TENM2: variants seen among roughly 807,000 people sequenced by gnomAD.
TENM2 encodes teneurin transmembrane protein 2, also known as teneurin-2.
Under a neutral mutation model 245.2 loss-of-function variants are expected in TENM2, and 52 were observed. The ratio of observed to expected loss-of-function variants is 0.21; its 90% CI spans 0.17 to 0.27. The LOEUF (loss-of-function observed/expected upper bound fraction) is 0.27. Ranked by LOEUF, TENM2 falls within the 10% of genes least tolerant of loss-of-function variation. TENM2 has a pLI of 1.00. For missense variants in TENM2, 3,046 were observed against 3,666.8 expected (o/e 0.83, Z 4.37); for synonymous variants, 1,363 against 1,438.9 (o/e 0.95, Z 1.19).
intron 5 of TENM2, among the ~76,000 whole-genome samples, chr5:168,022,737 T>A (rs1786266454): frequency 6.6e-6 from 1 of 152,242 alleles, no homozygotes. Flanking sequence ...ATAGTGTTTC[T>A]TTTTATTTCC....
At position 168,124,881 on chromosome 5, in the gene TENM2, C is replaced by T. The variant is rs369986376; in HGVS notation, c.2040C>T (p.His680=). Residue 680 remains histidine, a synonymous_variant, in exon 11 of 29, where the codon CAC becomes CAT. Transcript: ENST00000518659. ...GCTTGGATCCCACCTGCTCCAGCCA[C>T]GGAGTCTGTGTGAATGGAGAATGCC... is the stretch of plus-strand genomic sequence containing the variant. The T allele has an allele frequency of 5.9e-5, 95 of 1,612,740 alleles. 1 individual carries two copies. Among genetic ancestry groups the T allele is most frequent in the South Asian group, 4.1e-4 (37 of 90,564 alleles).
At chr5:167,891,140 A>G (rs1415066733) in intron 3 of TENM2, among the ~76,000 whole-genome samples, 2 of 152,160 alleles carry the variant, frequency 1.3e-5, no homozygotes, top group Non-Finnish European at 2.9e-5. Flanking sequence ...TTGTTTACTT[A>G]TTTTGTGTTA....
At chr5:168,120,061 G>C (rs951751693) in intron 10 of TENM2, among the ~76,000 whole-genome samples, 16 of 152,146 alleles carry the variant, frequency 1.1e-4, no homozygotes, top group African/African-American at 2.9e-4. Flanking sequence ...TTTGTACTTA[G>C]ATACACCCAC....
chr5:167,335,923 C>T (rs564679805), intron 1 of TENM2, among the ~76,000 whole-genome samples: 1 of 152,244 alleles, frequency 6.6e-6, no homozygotes, highest in South Asian at 2.1e-4. Context: ...AGCACCCTGT[C>T]AGCAGTCCTA....
intron 19 of TENM2, among the ~76,000 whole-genome samples, chr5:168,205,276 A>T (rs1762263244): frequency 6.6e-6 from 1 of 152,030 alleles, no homozygotes. Context: ...TTCAACAAAT[A>T]TTTGGTGAAT....
the TENM2 span, among the ~76,000 whole-genome samples, chr5:167,127,963 C>T: frequency 1.3e-5 from 2 of 152,098 alleles, no homozygotes; most frequent in South Asian, 4.1e-4. Flanking sequence ...AACCCCCTCA[C>T]CCTGTGGCCC....
intron 5 of TENM2, among the ~76,000 whole-genome samples, chr5:168,015,042 T>C (rs1180382457): frequency 6.6e-6 from 1 of 152,220 alleles, no homozygotes; most frequent in Non-Finnish European, 1.5e-5. Context: ...TCCCTCTTGC[T>C]ATAAACCAGC....
intron 1 of TENM2, among the ~76,000 whole-genome samples, chr5:167,373,891 C>T (rs1760587331): frequency 6.6e-6 from 1 of 152,184 alleles, no homozygotes. Flanking sequence ...CACCTAATAA[C>T]ACACGTTTAT....
At chr5:167,218,261 A>G in the TENM2 span, among the ~76,000 whole-genome samples, 1 of 152,162 alleles carries the variant, frequency 6.6e-6, no homozygotes, top group Non-Finnish European at 1.5e-5. Context: ...GTTGTCTTAA[A>G]ATCTGAGAAT....
chr5:168,080,495 C>A (rs1791895285), intron 7 of TENM2, among the ~76,000 whole-genome samples: 2 of 152,122 alleles, frequency 1.3e-5, no homozygotes, highest in Non-Finnish European at 2.9e-5. Flanking sequence ...TTTGCTCTTG[C>A]TTCTCTAGTT....
chr5:167,046,517 G>A, the TENM2 span, among the ~76,000 whole-genome samples: 7 of 152,102 alleles, frequency 4.6e-5, no homozygotes, highest in Admixed American at 2.0e-4. Flanking sequence ...AACACAGTGT[G>A]AATCATTTAT....
rs536664982 is a variant in TENM2, at chr5:167,760,893, C to T, written c.503-115093C>T. Reference sequence around the variant, plus strand: ...CTCGAACTCCTGACCTCAGGTGATCCGCCCACCTTGGCCTCCCAAAGTGCT... The same window carrying T: ...CTCGAACTCCTGACCTCAGGTGATCTGCCCACCTTGGCCTCCCAAAGTGCT... On this transcript the variant is annotated intron_variant, in intron 2 of 28. Coordinates refer to ENST00000518659, the Ensembl canonical transcript of TENM2. Among the ~76,000 whole-genome samples the T allele has an allele frequency of 1.3e-3, 201 of 152,164 alleles. 1 individual carries two copies. Among genetic ancestry groups the T allele is most frequent in the South Asian group, 6.9e-3 (33 of 4,814 alleles).
At chr5:167,268,873 C>CATAGATAGATAG in the TENM2 span, among the ~76,000 whole-genome samples, 3,303 of 139,560 alleles carry the variant, frequency 0.024, 62 homozygotes, top group East Asian at 0.043. Flanking sequence ...CCAAAAGATA[C>CATAGATAGATAG]ATAGATAGAT....
intron 5 of TENM2, among the ~76,000 whole-genome samples, chr5:168,044,536 A>G (rs927580398): frequency 6.6e-6 from 1 of 152,160 alleles, no homozygotes; most frequent in African/African-American, 2.4e-5. Flanking sequence ...AGCATATAAC[A>G]TCCTACAATC....
Position 168,262,554 on chromosome 5 carries a change from A to T in TENM2, c.8069A>T (p.Glu2690Val). The T allele has an allele frequency of 3.2e-6, 5 of 1,559,700 alleles. No homozygotes were observed. In the South Asian group the frequency reaches 4.7e-5, roughly 15 times the overall value. Residue 2690 changes from glutamate to valine, a missense_variant, in exon 29 of 29, where the codon GAA becomes GTA. By Grantham distance (121) the Glu-to-Val change is moderately radical. Coordinates refer to ENST00000518659, the Ensembl canonical transcript of TENM2. ...GGCCTCACCCCCGACACCCTGGACGAAGAGAAGGCCCGCGTCCTGGACCAG... is the reference window on the plus strand; with the variant it reads ...GGCCTCACCCCCGACACCCTGGACGTAGAGAAGGCCCGCGTCCTGGACCAG...
the TENM2 span, among the ~76,000 whole-genome samples, chr5:167,191,851 C>T: frequency 3.9e-5 from 6 of 151,976 alleles, no homozygotes; most frequent in Non-Finnish European, 7.4e-5. Context: ...TAAAAATTCT[C>T]TTACTCCAAT....
the TENM2 span, among the ~76,000 whole-genome samples, chr5:167,162,770 A>C: frequency 6.6e-6 from 1 of 152,230 alleles, no homozygotes; most frequent in African/African-American, 2.4e-5. Flanking sequence ...ATCCTACCAG[A>C]AAGAAAGCAG....
intron 3 of TENM2, among the ~76,000 whole-genome samples, chr5:167,950,059 A>T (rs1468070056): frequency 6.6e-6 from 1 of 152,216 alleles, no homozygotes; most frequent in Non-Finnish European, 1.5e-5. Flanking sequence ...CGGAGAATTA[A>T]GTATTCTTCC....
At chr5:168,183,926 G>T (rs981261860) in intron 13 of TENM2, among the ~76,000 whole-genome samples, 25 of 151,996 alleles carry the variant, frequency 1.6e-4, no homozygotes, top group African/African-American at 6.0e-4. Context: ...ACCTTTCGTG[G>T]ATTACCTCTG....
Sources: gnomAD v4.1 joint callset for allele counts (sites outside exome capture counted in the v4.1 genomes callset) on GRCh38, gnomAD v4.1.1 for gene constraint, MANE v1.5 for transcripts, NCBI Gene and HGNC (gene_info 2026-07-23, HGNC 2026-07-21) for gene names.